SORCS3: variants seen among roughly 807,000 people sequenced by gnomAD.
The protein encoded by SORCS3 is sortilin related VPS10 domain containing receptor 3, also known as VPS10 domain-containing receptor SorCS3.
Under a neutral mutation model 146.3 loss-of-function variants are expected in SORCS3, and 57 were observed. The observed-to-expected ratio is 0.39, with a 90% CI of 0.31 to 0.49. The LOEUF (loss-of-function observed/expected upper bound fraction) is 0.49, where lower values mean the gene tolerates loss of function less well. Among genes scored for constraint, SORCS3 ranks in the 20% least tolerant of loss-of-function variants. The pLI is 0.92. For synonymous variants in SORCS3, 653 were observed against 618.5 expected, an observed-to-expected ratio of 1.06 and a Z score of -0.83; for missense variants, 1,341 against 1,575.5, an observed-to-expected ratio of 0.85 and a Z score of 2.52.
intron 3 of SORCS3, among the ~76,000 whole-genome samples, chr10:104,948,708 C>T (rs547902340): frequency 9.2e-5 from 14 of 152,298 alleles, no homozygotes; most frequent in East Asian, 3.9e-4. Flanking sequence ...AAGATTACTG[C>T]GGATCTGAAG....
chr10:104,702,804 C>T (rs1232068918), intron 1 of SORCS3, among the ~76,000 whole-genome samples: 2 of 152,058 alleles, frequency 1.3e-5, no homozygotes, highest in South Asian at 4.1e-4. Context: ...ACTGGGTGAC[C>T]CTGAGCAAAC....
chr10:104,990,074 A>G (rs996583718), intron 4 of SORCS3, among the ~76,000 whole-genome samples: 1 of 152,080 alleles, frequency 6.6e-6, no homozygotes, highest in African/African-American at 2.4e-5. Flanking sequence ...TCTTTGCCTG[A>G]GGGCTTTCTC....
At chr10:105,258,110 C>T (rs1044668778) in intron 25 of SORCS3, among the ~76,000 whole-genome samples, 4 of 152,092 alleles carry the variant, frequency 2.6e-5, no homozygotes, top group Non-Finnish European at 5.9e-5. Context: ...TTCTTAAAAA[C>T]ACCAGTTTAA....
At chr10:104,940,951 A>C (rs1589558752) in intron 3 of SORCS3, among the ~76,000 whole-genome samples, 1 of 152,200 alleles carries the variant, frequency 6.6e-6, no homozygotes, top group Non-Finnish European at 1.5e-5. Flanking sequence ...GCCAAAAGAA[A>C]AAAGCTGGAG....
chr10:104,909,905 C>T (rs2018948803), intron 2 of SORCS3, among the ~76,000 whole-genome samples: 1 of 151,570 alleles, frequency 6.6e-6, no homozygotes, highest in Non-Finnish European at 1.5e-5. Context: ...CGATAACTCA[C>T]ACCTCCACTC....
At chr10:105,070,506 C>A (rs1271845726) in intron 5 of SORCS3, among the ~76,000 whole-genome samples, 2 of 152,188 alleles carry the variant, frequency 1.3e-5, no homozygotes, top group African/African-American at 4.8e-5. Flanking sequence ...ATCCTAGGTT[C>A]TTTCTTTGAG....
chr10:104,687,605 C>T (rs1427541962), intron 1 of SORCS3, among the ~76,000 whole-genome samples: 1 of 151,984 alleles, frequency 6.6e-6, no homozygotes, highest in Non-Finnish European at 1.5e-5. Flanking sequence ...TGAGTGGGTA[C>T]CATGCAGGAG....
At chr10:104,716,675 T>C (rs986821625) in intron 1 of SORCS3, among the ~76,000 whole-genome samples, 1 of 152,186 alleles carries the variant, frequency 6.6e-6, no homozygotes, top group Non-Finnish European at 1.5e-5. Flanking sequence ...GGCAGTTCTT[T>C]TGGGACAAGA....
intron 2 of SORCS3, among the ~76,000 whole-genome samples, chr10:104,843,478 T>C (rs925268563): frequency 1.3e-5 from 2 of 152,214 alleles, no homozygotes; most frequent in Admixed American, 1.3e-4. Flanking sequence ...TCAGCCCAGT[T>C]TATTCTTTTG....
chr10:104,799,130 G>C (rs1410610717), intron 1 of SORCS3, among the ~76,000 whole-genome samples: 1 of 152,218 alleles, frequency 6.6e-6, no homozygotes, highest in African/African-American at 2.4e-5. Context: ...GTGGAAGATA[G>C]TGTGGCGATT....
intron 9 of SORCS3, among the ~76,000 whole-genome samples, chr10:105,154,327 G>T (rs1188631754): frequency 6.6e-6 from 1 of 152,160 alleles, no homozygotes; most frequent in Non-Finnish European, 1.5e-5. Flanking sequence ...GCAGATCATG[G>T]TAATTGCTTT....
chr10:104,676,919 T>A (rs1050266787), intron 1 of SORCS3, among the ~76,000 whole-genome samples: 12 of 152,238 alleles, frequency 7.9e-5, no homozygotes, highest in African/African-American at 2.4e-4. Context: ...CATATGAGGT[T>A]CTTGTGTTCT....
chr10:105,159,327 A>G (rs909123100), intron 11 of SORCS3, among the ~76,000 whole-genome samples: 2 of 152,192 alleles, frequency 1.3e-5, no homozygotes, highest in Admixed American at 1.3e-4. Flanking sequence ...TGATATATGA[A>G]CTTCCTAGCT....
chr10:104,992,576 C>A (rs1473226975), intron 4 of SORCS3, among the ~76,000 whole-genome samples: 1 of 152,278 alleles, frequency 6.6e-6, no homozygotes, highest in South Asian at 2.1e-4. Context: ...AAGTGAAAGC[C>A]TTTAGCTCAG....
chr10:105,028,755 G>A (rs1036324636), intron 4 of SORCS3, among the ~76,000 whole-genome samples: 2 of 152,180 alleles, frequency 1.3e-5, no homozygotes, highest in African/African-American at 2.4e-5. Context: ...CACATAATAA[G>A]TATTTCTTAG....
intron 5 of SORCS3, among the ~76,000 whole-genome samples, chr10:105,087,009 T>A (rs1258397776): frequency 8.4e-6 from 1 of 119,028 alleles, no homozygotes. Context: ...GGCCCATGCC[T>A]ATGTCCTGAA....
intron 1 of SORCS3, among the ~76,000 whole-genome samples, chr10:104,818,593 G>C (rs1049015847): frequency 3.9e-5 from 6 of 152,080 alleles, no homozygotes; most frequent in African/African-American, 1.4e-4. Flanking sequence ...CTGCAGCCCT[G>C]TCCTTGGCTA....
Position 105,167,359 on chromosome 10 carries a change from G to T in SORCS3, c.1901+10G>T. ...CAGTCAGGCATTTGTGGTAAGGAGA[G>T]CTCCCTACCCTATTAATGAGCTAAT... On this transcript the variant is annotated intron_variant, in intron 13 of 26. Coordinates refer to ENST00000369701, the MANE Select transcript of SORCS3 (RefSeq NM_014978.3). 1 of 1,603,986 alleles carries T rather than the reference G, an allele frequency of 6.2e-7. No homozygotes were observed. Among genetic ancestry groups the T allele is most frequent in the Non-Finnish European group, 8.5e-7 (1 of 1,171,354 alleles).
At chr10:105,199,425 G>A (rs985275411) in intron 14 of SORCS3, among the ~76,000 whole-genome samples, 1 of 152,090 alleles carries the variant, frequency 6.6e-6, no homozygotes, top group African/African-American at 2.4e-5. Flanking sequence ...GGGAGGGTAG[G>A]TAGGTATTCA....
Sources: gnomAD v4.1 joint callset for allele counts (sites outside exome capture counted in the v4.1 genomes callset) on GRCh38, gnomAD v4.1.1 for gene constraint, MANE v1.5 for transcripts, NCBI Gene and HGNC (gene_info 2026-07-23, HGNC 2026-07-21) for gene names.